The following NRP1 variants were observed in gnomAD, a reference collection of about 807,000 sequenced individuals.
NRP1 encodes the protein neuropilin-1.
A neutral mutation model predicts 106.7 loss-of-function variants in NRP1; 35 were observed. The observed-to-expected ratio is 0.33, with a 90% CI of 0.25 to 0.43. The LOEUF is 0.43. Ranked by LOEUF, NRP1 falls within the 20% of genes least tolerant of loss-of-function variation. The pLI, the probability that NRP1 is intolerant of heterozygous loss-of-function variation, is 1.00. For synonymous variants in NRP1, 437 were observed against 417.9 expected (o/e 1.05, Z -0.56); for missense variants, 1,024 against 1,170.4 (o/e 0.87, Z 1.83).
chr10:33,271,665 C>T (rs1297981155), intron 2 of NRP1, among the ~76,000 whole-genome samples: 1 of 152,082 alleles, frequency 6.6e-6, no homozygotes, highest in East Asian at 1.9e-4. Flanking sequence ...ACTAAGGATA[C>T]AAATCGTAAG....
intron 8 of NRP1, among the ~76,000 whole-genome samples, chr10:33,220,862 C>T (rs1306305366): frequency 3.7e-5 from 5 of 135,402 alleles, no homozygotes; most frequent in African/African-American, 1.4e-4. Context: ...AATCATGTCA[C>T]TGCACTCCAA....
intron 2 of NRP1, among the ~76,000 whole-genome samples, chr10:33,282,425 A>G (rs1197160534): frequency 1.3e-5 from 2 of 152,226 alleles, no homozygotes; most frequent in East Asian, 1.9e-4. Flanking sequence ...TAATTTAAAG[A>G]TATTTTTAAA....
intron 8 of NRP1, among the ~76,000 whole-genome samples, chr10:33,214,464 CTGT>C (rs1838589983): frequency 6.6e-6 from 1 of 152,034 alleles, no homozygotes; most frequent in Non-Finnish European, 1.5e-5. Flanking sequence ...CTGCCAAATC[CTGT>C]TGTTTTTATT....
intron 12 of NRP1, among the ~76,000 whole-genome samples, chr10:33,193,050 T>C (rs1836525102): frequency 6.6e-6 from 1 of 152,212 alleles, no homozygotes; most frequent in Admixed American, 6.5e-5. Context: ...TAAATTTACA[T>C]ATAAATTGTT....
chr10:33,247,458 C>T (rs915604078), intron 6 of NRP1, among the ~76,000 whole-genome samples: 8 of 152,166 alleles, frequency 5.3e-5, no homozygotes, highest in Non-Finnish European at 1.2e-4. Context: ...AACAACTCAC[C>T]ACTCTGGATG....
intron 12 of NRP1, chr10:33,195,431 C>T: frequency 1.9e-6 from 1 of 515,020 alleles, no homozygotes; most frequent in African/African-American, 2.0e-5. Flanking sequence ...ATATTATATG[C>T]CCATGGAGTT....
At chr10:33,258,587 C>T (rs1588865067) in intron 4 of NRP1, among the ~76,000 whole-genome samples, 3 of 152,284 alleles carry the variant, frequency 2.0e-5, no homozygotes, top group South Asian at 4.2e-4. Flanking sequence ...TTGTTATATT[C>T]GACTTCTCAG....
At chr10:33,192,219 A>T (rs1836465813) in intron 13 of NRP1, 62 bp downstream of exon 13, 2 of 1,562,990 alleles carry the variant, frequency 1.3e-6, no homozygotes, top group Non-Finnish European at 1.7e-6. Flanking sequence ...CCTCCCAGTA[A>T]CACAGCCTCG....
intron 2 of NRP1, among the ~76,000 whole-genome samples, chr10:33,291,788 A>G (rs1845011554): frequency 6.6e-6 from 1 of 152,268 alleles, no homozygotes; most frequent in Admixed American, 6.5e-5. Flanking sequence ...AGACCTGAAA[A>G]TAAACTAGAA....
intron 6 of NRP1, among the ~76,000 whole-genome samples, chr10:33,229,983 A>G (rs1053308928): frequency 6.6e-6 from 1 of 152,138 alleles, no homozygotes. Flanking sequence ...CAGTGGGTTT[A>G]GTAAGGATGG....
intron 6 of NRP1, among the ~76,000 whole-genome samples, chr10:33,246,713 G>T (rs1841458712): frequency 6.6e-6 from 1 of 152,224 alleles, no homozygotes; most frequent in African/African-American, 2.4e-5. Flanking sequence ...GTAACCCAGT[G>T]AGCTATTTTT....
chr10:33,304,196 A>G (rs1461730041), intron 2 of NRP1, among the ~76,000 whole-genome samples: 1 of 152,180 alleles, frequency 6.6e-6, no homozygotes, highest in Non-Finnish European at 1.5e-5. Flanking sequence ...TTGACCCAAG[A>G]CATGTTCTCA....
At chr10:33,301,596 G>A (rs972718879) in intron 2 of NRP1, among the ~76,000 whole-genome samples, 12 of 152,128 alleles carry the variant, frequency 7.9e-5, no homozygotes, top group Admixed American at 7.9e-4. Flanking sequence ...ACGGTCCACT[G>A]TGTTGTGTGG....
At chr10:33,306,325 C>T (rs1341714843) in intron 2 of NRP1, among the ~76,000 whole-genome samples, 2 of 150,604 alleles carry the variant, frequency 1.3e-5, no homozygotes, top group African/African-American at 4.9e-5. Flanking sequence ...TTTACGAAGG[C>T]AGCTGCTTTT....
chr10:33,224,194 A>C (rs1042333222), intron 7 of NRP1, among the ~76,000 whole-genome samples: 6 of 152,164 alleles, frequency 3.9e-5, no homozygotes, highest in Non-Finnish European at 8.8e-5. Flanking sequence ...ACAGATGCCA[A>C]GCTCTCTGCC....
rs111249372 is a variant in NRP1, at chr10:33,179,743, C to G, written c.*333G>C. ...CAGCATCTTGGATTTCGCTCAGTTTCCAAAAAGAATCCACAAAGGGGAGAG... is the reference window on the plus strand; with the variant it reads ...CAGCATCTTGGATTTCGCTCAGTTTGCAAAAAGAATCCACAAAGGGGAGAG... On this transcript the variant is annotated 3_prime_UTR_variant, in exon 17 of 17. Coordinates refer to ENST00000374867, the MANE Select transcript of NRP1 (RefSeq NM_003873.7). 3.4e-3 allele frequency: 841 copies of G among 250,496 alleles called. 14 individuals are homozygous for G. The highest frequency in any genetic ancestry group is 2.2e-3 in the Non-Finnish European group (286 of 129,816). 15.5% of individuals were successfully genotyped at this position (250,496 alleles called of 1,614,324 possible).
intron 2 of NRP1, among the ~76,000 whole-genome samples, chr10:33,301,744 A>G (rs1419275322): frequency 6.6e-6 from 1 of 152,062 alleles, no homozygotes; most frequent in Non-Finnish European, 1.5e-5. Context: ...CAACACCAAG[A>G]AAAAAAAGTT....
chr10:33,189,629 G>C (rs1836272632), intron 13 of NRP1, among the ~76,000 whole-genome samples: 1 of 152,188 alleles, frequency 6.6e-6, no homozygotes, highest in Admixed American at 6.5e-5. Flanking sequence ...CCAGACTTCA[G>C]GAATCCTCTG....
At chr10:33,182,008 CGCTTGAACCTG>C (rs1835718437) in intron 16 of NRP1, among the ~76,000 whole-genome samples, 1 of 152,062 alleles carries the variant, frequency 6.6e-6, no homozygotes, top group Non-Finnish European at 1.5e-5. Context: ...GCAGGAAAAT[CGCTTGAACCTG>C]GCAGGTGGAG....
Sources: allele counts gnomAD v4.1 joint callset (sites outside exome capture counted in the v4.1 genomes callset), GRCh38; gene constraint gnomAD v4.1.1; transcripts MANE v1.5; gene names NCBI Gene and HGNC (gene_info 2026-07-23, HGNC 2026-07-21).